Variants in MTX2 observed in about 807,000 individuals in gnomAD.
MTX2 encodes metaxin 2.
A neutral mutation model predicts 42.3 loss-of-function variants in MTX2; 35 were observed. The observed-to-expected ratio is 0.83, with a 90% CI of 0.63 to 1.10. MTX2 has a LOEUF of 1.10. MTX2 is among the 50% of genes least tolerant of loss of function. MTX2 has a pLI of 0.00. For synonymous variants in MTX2, 119 were observed against 100.9 expected (o/e 1.18, Z -1.08); for missense variants, 307 against 304.1 (o/e 1.01, Z -0.07).
chr2:176,313,417 G>T (rs1414815520), intron 3 of MTX2, among the ~76,000 whole-genome samples: 1 of 122,674 alleles, frequency 8.2e-6, no homozygotes. Flanking sequence ...TTTGGAGATA[G>T]GGTCTCACTC....
intron 3 of MTX2, among the ~76,000 whole-genome samples, chr2:176,318,933 A>G (rs1253827114): frequency 6.6e-6 from 1 of 152,164 alleles, no homozygotes; most frequent in East Asian, 1.9e-4. Flanking sequence ...GTGACTAGGG[A>G]ACTGAATTTA....
intron 3 of MTX2, among the ~76,000 whole-genome samples, chr2:176,307,432 C>T (rs1684180947): frequency 1.3e-5 from 2 of 152,146 alleles, no homozygotes; most frequent in South Asian, 4.1e-4. Flanking sequence ...TTTTCCAATT[C>T]TGTGAAAAAA....
At chr2:176,282,126 G>GTT (rs71004264) in intron 1 of MTX2, among the ~76,000 whole-genome samples, 1,164 of 26,372 alleles carry the variant, frequency 0.044, 384 homozygotes, top group African/African-American at 0.069. Flanking sequence ...AGTTACAGTA[G>GTT]TTTTTTTTTT....
chr2:176,318,182 C>T (rs1395566486), intron 3 of MTX2, among the ~76,000 whole-genome samples: 1 of 151,820 alleles, frequency 6.6e-6, no homozygotes, highest in Non-Finnish European at 1.5e-5. Context: ...TTAAAGGTTG[C>T]AGAGATAAAT....
chr2:176,326,042 G>A (rs1684698828), intron 4 of MTX2, among the ~76,000 whole-genome samples: 1 of 151,736 alleles, frequency 6.6e-6, no homozygotes, highest in African/African-American at 2.4e-5. Context: ...TGAACTAGGT[G>A]TGACAGCAGG....
chr2:176,275,894 A>G (rs1156660348), intron 1 of MTX2, among the ~76,000 whole-genome samples: 1 of 152,218 alleles, frequency 6.6e-6, no homozygotes, highest in Non-Finnish European at 1.5e-5. Context: ...GTTGAGCACT[A>G]AACAGCAGAA....
chr2:176,308,463 A>G (rs191765395), intron 3 of MTX2, among the ~76,000 whole-genome samples: 2 of 152,268 alleles, frequency 1.3e-5, no homozygotes, highest in African/African-American at 2.4e-5. Flanking sequence ...TTGAGAAGCA[A>G]TGGTCCCAGC....
chr2:176,308,213 G>T (rs556018975), intron 3 of MTX2, among the ~76,000 whole-genome samples: 1 of 152,032 alleles, frequency 6.6e-6, no homozygotes, highest in African/African-American at 2.4e-5. Flanking sequence ...ATTGATTTGC[G>T]TATGTTGAAC....
Position 176,319,849 on chromosome 2 carries a change from T to C in MTX2, c.136-3543T>C, listed in dbSNP as rs181882547. ...TTGGCCTCCCAAAGTGCTGCGATTA[T>C]AGGCATGAGCCAAAAATTTTTAAAA... On this transcript the variant is annotated intron_variant, in intron 3 of 9. Coordinates refer to ENST00000249442, the MANE Select transcript of MTX2 (RefSeq NM_006554.5). Among the ~76,000 whole-genome samples the C allele has an allele frequency of 3.0e-3, 454 of 152,162 alleles. 1 individual carries two copies. Among genetic ancestry groups the C allele is most frequent in the Non-Finnish European group, 4.6e-3 (315 of 67,984 alleles).
intron 9 of MTX2, among the ~76,000 whole-genome samples, chr2:176,331,067 A>G (rs1486702055): frequency 2.6e-5 from 4 of 151,368 alleles, no homozygotes; most frequent in South Asian, 2.1e-4. Flanking sequence ...AAGAGTCAAT[A>G]AAACTAAATA....
At chr2:176,319,591 T>C (rs994615603) in intron 3 of MTX2, among the ~76,000 whole-genome samples, 10 of 152,006 alleles carry the variant, frequency 6.6e-5, no homozygotes, top group Non-Finnish European at 1.3e-4. Flanking sequence ...TTTTTTGTTT[T>C]TTGAGATGGA....
intron 3 of MTX2, among the ~76,000 whole-genome samples, chr2:176,302,796 A>G (rs1008186951): frequency 1.3e-5 from 2 of 152,234 alleles, no homozygotes. Context: ...CACATTTCAG[A>G]TTTGATGATA....
At chr2:176,275,474 A>G (rs1692925862) in intron 1 of MTX2, among the ~76,000 whole-genome samples, 1 of 152,080 alleles carries the variant, frequency 6.6e-6, no homozygotes, top group Non-Finnish European at 1.5e-5. Flanking sequence ...GCTGGCCTCA[A>G]GTGTTCTGCC....
intron 1 of MTX2, among the ~76,000 whole-genome samples, chr2:176,275,493 C>G (rs987188954): frequency 2.0e-5 from 3 of 152,082 alleles, no homozygotes; most frequent in Non-Finnish European, 4.4e-5. Flanking sequence ...CCTGCCTTAG[C>G]CTCCCAAAGT....
chr2:176,280,711 C>T (rs13413947), intron 1 of MTX2, among the ~76,000 whole-genome samples: 6,117 of 152,260 alleles, frequency 0.04, 405 homozygotes, highest in African/African-American at 0.14. Context: ...GGCACATAGA[C>T]TAAGCCAATC....
intron 8 of MTX2, among the ~76,000 whole-genome samples, chr2:176,329,797 A>C (rs1684811093): frequency 6.8e-6 from 1 of 146,504 alleles, no homozygotes; most frequent in Non-Finnish European, 1.5e-5. Flanking sequence ...TGAACAATAC[A>C]TTGTGGGCAC....
intron 8 of MTX2, 90 bp downstream of exon 8, chr2:176,329,516 A>G (rs1684805024): frequency 8.0e-7 from 1 of 1,249,462 alleles, no homozygotes; most frequent in South Asian, 2.1e-5. Context: ...AAAAATATAT[A>G]TAAGATTTGC....
intron 1 of MTX2, among the ~76,000 whole-genome samples, chr2:176,291,207 A>ATT (rs1429782890): frequency 6.6e-6 from 1 of 152,280 alleles, no homozygotes; most frequent in African/African-American, 2.4e-5. Context: ...GCTATTTAGT[A>ATT]TTTTTTTGAG....
At chr2:176,292,566 C>T (rs1281368080) in intron 1 of MTX2, among the ~76,000 whole-genome samples, 1 of 152,066 alleles carries the variant, frequency 6.6e-6, no homozygotes, top group African/African-American at 2.4e-5. Flanking sequence ...AATAAGCTTT[C>T]TTTCTGTTAG....
Sources: gnomAD v4.1 joint callset for allele counts (sites outside exome capture counted in the v4.1 genomes callset) on GRCh38, gnomAD v4.1.1 for gene constraint, MANE v1.5 for transcripts, NCBI Gene and HGNC (gene_info 2026-07-23, HGNC 2026-07-21) for gene names.